The following CPLANE1 variants were observed in gnomAD, a reference collection of about 807,000 sequenced individuals.
The protein encoded by CPLANE1 is ciliogenesis and planar polarity effector complex subunit 1, also known as ciliogenesis and planar polarity effector 1.
In CPLANE1, 263 loss-of-function variants were observed where a neutral mutation model predicts 362.5. The ratio of observed to expected loss-of-function variants is 0.73; its 90% CI spans 0.66 to 0.80. The LOEUF is 0.80. Ranked by LOEUF, CPLANE1 falls within the 30% of genes least tolerant of loss-of-function variation. The probability of loss-of-function intolerance (pLI) is 0.00; values close to 1 mark genes in which losing one functional copy is unlikely to be tolerated. For synonymous variants in CPLANE1, 1,212 were observed against 1,302.6 expected (o/e 0.93, Z 1.50); for missense variants, 3,461 against 3,793.4 (o/e 0.91, Z 2.30).
In CPLANE1 at chr5:37,150,624, T is replaced by C. The variant is rs554864384; in HGVS notation, c.8374-2356A>G. Among the ~76,000 whole-genome samples the C allele has an allele frequency of 1.0e-3, 158 of 152,286 alleles. 1 individual carries two copies. The highest frequency in any genetic ancestry group is 3.7e-3 in the African/African-American group (153 of 41,572). ...TGGACACCACTGTGAATCTCTGTTG[T>C]CTTCTTCACCTTCCCACAGCTTATC... On this transcript the variant is annotated intron_variant, in intron 42 of 52. Coordinates refer to ENST00000651892, the MANE Select transcript of CPLANE1 (RefSeq NM_001384732.1).
chr5:37,138,231 T>G (rs949783417), intron 46 of CPLANE1, among the ~76,000 whole-genome samples: 1 of 152,240 alleles, frequency 6.6e-6, no homozygotes, highest in Admixed American at 6.5e-5. Context: ...CAATGTTGTA[T>G]GCTTATATAT....
rs962544533 is a variant in CPLANE1, at chr5:37,247,839, C to A, written c.-47-94G>T. ...TGAGACAAGAGTTTCGTTCTGTTGC[C>A]CCAGCTGGAGTGCAGTGATATGATC... On this transcript the variant is annotated intron_variant, in intron 1 of 52. Transcript: ENST00000651892. 8.6e-6 allele frequency: 8 copies of A among 933,266 alleles called. No homozygotes were observed. The African/African-American group carries it at 1.2e-4, about 14-fold the overall frequency. 57.8% of individuals were successfully genotyped at this position (933,266 alleles called of 1,614,324 possible). A position where few individuals can be genotyped will look rare whatever the true frequency, so the allele number is the denominator to read the frequency against.
Position 37,120,331 on chromosome 5 carries a change from T to C in CPLANE1, c.9195A>G (p.Gln3065=), listed in dbSNP as rs751207609. 6.9e-6 allele frequency: 11 copies of C among 1,583,292 alleles called. No homozygotes were observed. The highest frequency in any genetic ancestry group is 9.4e-6 in the Non-Finnish European group (11 of 1,169,178). ...QHCPSPRGEN[Q]HGHSFLINRP... is the part of the protein sequence containing the mutation. ...GATTTATTAGAAAACTGTGACCATG[T>C]TGATTCTCTCTATAGTAGAAATCAC... Residue 3065 remains glutamine (Q), a synonymous_variant, in exon 50 of 53, where the codon CAA becomes CAG. Coordinates refer to ENST00000651892, the MANE Select transcript of CPLANE1 (RefSeq NM_001384732.1).
intron 40 of CPLANE1, 46 bp from the exon 41 acceptor site, chr5:37,157,466 T>C (rs775018978): frequency 2.9e-6 from 4 of 1,382,954 alleles, no homozygotes; most frequent in Middle Eastern, 1.8e-4. Flanking sequence ...GCTGATTCTA[T>C]CAAGACTATG....
At chr5:37,112,623 C>T (rs926280061) in intron 51 of CPLANE1, among the ~76,000 whole-genome samples, 2 of 152,212 alleles carry the variant, frequency 1.3e-5, no homozygotes, top group African/African-American at 2.4e-5. Flanking sequence ...TATAACATAA[C>T]ACCAAACAGT....
intron 46 of CPLANE1, chr5:37,138,388 T>C (rs1432573137): frequency 1.2e-5 from 4 of 324,062 alleles, no homozygotes; most frequent in Non-Finnish European, 2.4e-5. Flanking sequence ...ATTTGCATGA[T>C]AGATCAGAAA....
At position 37,138,832 on chromosome 5, in the gene CPLANE1, G is replaced by A; in HGVS notation, c.8680C>T (p.Leu2894Phe). 6.2e-7 allele frequency: 1 copy of A among 1,609,396 alleles called. No individual in the cohort carries two copies. The highest frequency in any genetic ancestry group is 2.2e-5 in the East Asian group (1 of 44,730). The change falls in exon 46 of 53, where the codon CTC becomes TTC. Residue 2894 changes from leucine to phenylalanine, a missense_variant. Coordinates refer to ENST00000651892, the MANE Select transcript of CPLANE1 (RefSeq NM_001384732.1). ...ELCESVSVHP[L>F]QMTGLTDIAD... ...ATATCAGTCAATCCAGTCATCTGGA[G>A]CGGATGTACTGAAACACTTCATTTG...
the CPLANE1 span, among the ~76,000 whole-genome samples, chr5:37,080,947 A>AT: frequency 6.6e-6 from 1 of 152,226 alleles, no homozygotes; most frequent in Non-Finnish European, 1.5e-5. Flanking sequence ...GCCTACATGA[A>AT]TAAAAACTAT....
Position 37,138,732 on chromosome 5 carries a change from A to G in CPLANE1, c.8780T>C (p.Met2927Thr). 6.2e-7 allele frequency: 1 copy of G among 1,610,284 alleles called. No homozygotes were observed. The highest frequency in any genetic ancestry group is 8.5e-7 in the Non-Finnish European group (1 of 1,178,940). ...SEELGLTEQA[M>T]GTSRIQHYSG... ...ATTCAATGATTACCTGGAGGTGCCC[A>G]TAGCTTGTTCTGTTAAGCCAAGTTC... The change falls in exon 46 of 53, where the codon ATG (methionine) becomes ACG (threonine). Residue 2927 changes from methionine (M) to threonine (T), a missense_variant. By Grantham distance (81) the Met-to-Thr change is moderately conservative. This residue lies in a region of CPLANE1 where 3,380 missense variants were observed against 3,666.1 expected (regional missense o/e 0.92). Transcript: ENST00000651892.
At chr5:37,244,051 T>C (rs1353227670) in intron 5 of CPLANE1, among the ~76,000 whole-genome samples, 1 of 151,864 alleles carries the variant, frequency 6.6e-6, no homozygotes, top group East Asian at 1.9e-4. Context: ...GGTTTCTCCA[T>C]GTTGGTCAGG....
rs928612467 is a variant in CPLANE1 at position 37,230,451 on chromosome 5, C to T, written c.1121+416G>A. Among the ~76,000 whole-genome samples the T allele has an allele frequency of 5.3e-5, 8 of 152,002 alleles. No individual in the cohort carries two copies. The South Asian group carries it at 6.2e-4, about 12-fold the overall frequency. ...TAAAACAACAACAAAAATTAAAATA[C>T]GGCTAAATCCTACAGTTTTCTATCC... On this transcript the variant is annotated intron_variant, in intron 9 of 52. Coordinates refer to ENST00000651892, the MANE Select transcript of CPLANE1 (RefSeq NM_001384732.1).
intron 33 of CPLANE1, 113 bp downstream of exon 33, chr5:37,169,928 T>C: frequency 9.8e-7 from 1 of 1,018,012 alleles, no homozygotes; most frequent in Non-Finnish European, 1.5e-6. Flanking sequence ...GGTTTCACGA[T>C]GTTGGCCAGG....
chr5:37,122,547 C>T, intron 47 of CPLANE1, 59 bp from the exon 48 acceptor site: 3 of 1,298,954 alleles, frequency 2.3e-6, no homozygotes, highest in African/African-American at 1.5e-5. Flanking sequence ...TAAACCATTA[C>T]ACATAATTCT....
At chr5:37,158,412 G>GC in intron 38 of CPLANE1, 67 bp from the exon 39 acceptor site, 1 of 1,458,302 alleles carries the variant, frequency 6.9e-7, no homozygotes, top group Non-Finnish European at 9.2e-7. Flanking sequence ...CAAATCATCA[G>GC]CTTTGTATGA....
chr5:37,141,509 A>G (rs1769707810), intron 44 of CPLANE1: 12 of 984,014 alleles, frequency 1.2e-5, no homozygotes, highest in East Asian at 1.1e-4. Context: ...AACTGAGAAA[A>G]TAATTACAAG....
chr5:37,157,909 T>C (rs1166985610), intron 39 of CPLANE1, 41 bp from the exon 40 acceptor site: 3 of 1,218,630 alleles, frequency 2.5e-6, no homozygotes, highest in East Asian at 2.6e-5. Context: ...TTACATTCTT[T>C]TTACTCTATG....
At chr5:37,202,562 T>G (rs1311775155) in intron 18 of CPLANE1, among the ~76,000 whole-genome samples, 1 of 152,172 alleles carries the variant, frequency 6.6e-6, no homozygotes, top group Admixed American at 6.5e-5. Flanking sequence ...TAGTACGGCT[T>G]CAACTATGCA....
At chr5:37,175,555 CTG>C (rs1382634501) in intron 31 of CPLANE1, among the ~76,000 whole-genome samples, 2 of 152,192 alleles carry the variant, frequency 1.3e-5, no homozygotes, top group Admixed American at 6.5e-5. Flanking sequence ...CCGGATGAGT[CTG>C]TTCTGTGAGA....
chr5:37,244,909 GA>G (rs926760440), intron 4 of CPLANE1, among the ~76,000 whole-genome samples: 1 of 148,876 alleles, frequency 6.7e-6, no homozygotes. Flanking sequence ...CTCTAAAAAA[GA>G]AAAAAAAAGG....
Sources: gnomAD v4.1 joint callset for allele counts (sites outside exome capture counted in the v4.1 genomes callset) on GRCh38, gnomAD v4.1.1 for gene constraint, gnomAD v4.1.1 regional missense constraint, MANE v1.5 for transcripts, NCBI Gene and HGNC (gene_info 2026-07-23, HGNC 2026-07-21) for gene names.